The following RUNX1 variants were observed in gnomAD, a reference collection of about 807,000 sequenced individuals.
RUNX1 encodes runt-related transcription factor 1.
In RUNX1, 19 loss-of-function variants were observed where a neutral mutation model predicts 42.8. The observed-to-expected ratio is 0.44, with a 90% CI of 0.31 to 0.65. The LOEUF (loss-of-function observed/expected upper bound fraction) is 0.65, where lower values mean the gene tolerates loss of function less well. Among genes scored for constraint, RUNX1 ranks in the 30% least tolerant of loss-of-function variants. RUNX1 has a pLI of 0.07. For synonymous variants in RUNX1, 271 were observed against 289.4 expected, an observed-to-expected ratio of 0.94 and a Z score of 0.64; for missense variants, 528 against 672.0, an observed-to-expected ratio of 0.79 and a Z score of 2.37.
At chr21:34,810,279 C>T (rs1279070732) in intron 7 of RUNX1, among the ~76,000 whole-genome samples, 3 of 152,248 alleles carry the variant, frequency 2.0e-5, no homozygotes, top group African/African-American at 7.2e-5. Context: ...TTGTCTTCTG[C>T]TTCCATATGA....
intron 2 of RUNX1, among the ~76,000 whole-genome samples, chr21:34,983,860 A>C (rs1274833036): frequency 1.2e-4 from 19 of 152,200 alleles, no homozygotes; most frequent in Non-Finnish European, 1.5e-5. Flanking sequence ...GGGGTGGAGC[A>C]GGGTCATCAC....
chr21:35,021,810 G>C (rs2059200386), intron 2 of RUNX1, among the ~76,000 whole-genome samples: 1 of 152,210 alleles, frequency 6.6e-6, no homozygotes, highest in Non-Finnish European at 1.5e-5. Flanking sequence ...CAGAGGCAGA[G>C]GAGAATGCAC....
intron 2 of RUNX1, among the ~76,000 whole-genome samples, chr21:34,918,635 C>T (rs532053581): frequency 2.6e-5 from 4 of 152,154 alleles, no homozygotes; most frequent in South Asian, 2.1e-4. Flanking sequence ...TGAGGCCGGG[C>T]GTGGTGGCTC....
At chr21:34,825,063 G>A (rs1252858725) in intron 7 of RUNX1, among the ~76,000 whole-genome samples, 1 of 152,094 alleles carries the variant, frequency 6.6e-6, no homozygotes, top group Non-Finnish European at 1.5e-5. Context: ...CTATCTTCAG[G>A]CGATTTGTAA....
At chr21:34,877,554 C>T (rs1237409527) in intron 5 of RUNX1, among the ~76,000 whole-genome samples, 2 of 152,110 alleles carry the variant, frequency 1.3e-5, no homozygotes, top group African/African-American at 4.8e-5. Flanking sequence ...GTGAGATACA[C>T]TCTGAACCAA....
chr21:34,852,084 C>T (rs1346932797), intron 6 of RUNX1, among the ~76,000 whole-genome samples: 1 of 152,198 alleles, frequency 6.6e-6, no homozygotes, highest in Non-Finnish European at 1.5e-5. Flanking sequence ...AGGAAAATTG[C>T]TTGAACCCAG....
At chr21:35,038,847 C>G (rs886904563) in intron 2 of RUNX1, 3 of 429,370 alleles carry the variant, frequency 7.0e-6, no homozygotes, top group Non-Finnish European at 1.4e-5. Context: ...ATCTCTGAAC[C>G]CTCTGCATGG....
intron 2 of RUNX1, among the ~76,000 whole-genome samples, chr21:34,910,333 T>C (rs147380147): frequency 6.6e-6 from 1 of 152,294 alleles, no homozygotes; most frequent in African/African-American, 2.4e-5. Flanking sequence ...TTTTCTCCTT[T>C]TGGTAATTTC....
chr21:34,981,200 T>C (rs2058843940), intron 2 of RUNX1, among the ~76,000 whole-genome samples: 1 of 152,198 alleles, frequency 6.6e-6, no homozygotes, highest in Admixed American at 6.5e-5. Flanking sequence ...TTTGAAGTCC[T>C]TAACTTCCAC....
intron 5 of RUNX1, among the ~76,000 whole-genome samples, chr21:34,862,103 C>T (rs2057585396): frequency 6.6e-6 from 1 of 151,248 alleles, no homozygotes; most frequent in Admixed American, 6.6e-5. Context: ...TCTAGGGGTG[C>T]ATGTGGGTGT....
Position 34,894,616 on chromosome 21 carries a change from G to A in RUNX1, c.59-1653C>T, listed in dbSNP as rs1265507218. Among the ~76,000 whole-genome samples the A allele has an allele frequency of 4.6e-5, 7 of 152,056 alleles. No homozygotes were observed. The South Asian group carries it at 6.2e-4, about 14-fold the overall frequency. On this transcript the variant is annotated intron_variant, in intron 2 of 8. Transcript: ENST00000675419. ...CAAACTGCAAGAGAGGGGAGGTTGC[G>A]TGTGTTTAAGACAGTGAACAATGAA...
In RUNX1 at chr21:34,789,294, T is replaced by G. The variant is rs2145860633; in HGVS notation, c.*2841A>C. The stretch of plus-strand genomic sequence containing the variant: ...GAAAAGGAGGAGGGAGAAAGTGGGG[T>G]TTGGAAGATAGAGGAAGAGAGAAAA... On this transcript the variant is annotated 3_prime_UTR_variant, in exon 9 of 9. Coordinates refer to ENST00000675419, the MANE Select transcript of RUNX1 (RefSeq NM_001754.5). 8.6e-6 allele frequency: 2 copies of G among 231,306 alleles called. No homozygotes were observed. Among genetic ancestry groups the G allele is most frequent in the East Asian group, 6.0e-5 (1 of 16,530 alleles). The allele number at this position is 231,306 out of a possible 1,614,324, so 14.3% of individuals were successfully genotyped here.
At chr21:34,911,629 A>T (rs888172650) in intron 2 of RUNX1, among the ~76,000 whole-genome samples, 2 of 152,132 alleles carry the variant, frequency 1.3e-5, no homozygotes, top group African/African-American at 4.8e-5. Context: ...GCAGCCAGAG[A>T]GTGATACACA....
chr21:34,886,267 C>A (rs2057985314), intron 4 of RUNX1, among the ~76,000 whole-genome samples: 1 of 152,212 alleles, frequency 6.6e-6, no homozygotes. Context: ...TCAGAGAACT[C>A]TTCAGAAAAC....
intron 2 of RUNX1, among the ~76,000 whole-genome samples, chr21:34,957,154 T>C (rs2154565): frequency 0.038 from 5,750 of 152,254 alleles, 365 homozygotes; most frequent in African/African-American, 0.13. Flanking sequence ...CTCTGCCAAA[T>C]AGGGAGAGAA....
At chr21:34,794,127 C>A (rs1274846325) in intron 8 of RUNX1, among the ~76,000 whole-genome samples, 1 of 151,978 alleles carries the variant, frequency 6.6e-6, no homozygotes, top group Non-Finnish European at 1.5e-5. Context: ...GATAATTTGA[C>A]ACTAATGTAA....
At chr21:35,012,377 TAA>T (rs2059132053) in intron 2 of RUNX1, among the ~76,000 whole-genome samples, 1 of 152,250 alleles carries the variant, frequency 6.6e-6, no homozygotes, top group African/African-American at 2.4e-5. Flanking sequence ...ATTCTTTTGT[TAA>T]AGTCACTTTT....
At chr21:34,970,271 A>G (rs997732374) in intron 2 of RUNX1, among the ~76,000 whole-genome samples, 8 of 152,186 alleles carry the variant, frequency 5.3e-5, no homozygotes, top group Non-Finnish European at 1.2e-4. Flanking sequence ...CGTGGTGGAG[A>G]GATATTCTAC....
chr21:34,924,687 A>G (rs2058380016), intron 2 of RUNX1, among the ~76,000 whole-genome samples: 1 of 152,174 alleles, frequency 6.6e-6, no homozygotes, highest in African/African-American at 2.4e-5. Flanking sequence ...GAAGAGTTCA[A>G]TTTTATCTCT....
Sources: gnomAD v4.1 joint callset for allele counts (sites outside exome capture counted in the v4.1 genomes callset) on GRCh38, gnomAD v4.1.1 for gene constraint, MANE v1.5 for transcripts, NCBI Gene and HGNC (gene_info 2026-07-23, HGNC 2026-07-21) for gene names.